The following KLHL3 variants were observed in gnomAD, a reference collection of about 807,000 sequenced individuals.
KLHL3 encodes the protein kelch-like protein 3.
In KLHL3, 19 loss-of-function variants were observed where a neutral mutation model predicts 70.5. The ratio of observed to expected loss-of-function variants is 0.27; its 90% CI spans 0.19 to 0.40. The LOEUF (loss-of-function observed/expected upper bound fraction) is 0.40, where lower values mean the gene tolerates loss of function less well. Ranked by LOEUF, KLHL3 falls within the 10% of genes least tolerant of loss-of-function variation. The pLI, the probability that KLHL3 is intolerant of heterozygous loss-of-function variation, is 1.00. For missense variants in KLHL3, 512 were observed against 771.1 expected, an observed-to-expected ratio of 0.66 and a Z score of 3.98; for synonymous variants, 258 against 290.3, an observed-to-expected ratio of 0.89 and a Z score of 1.13.
Position 137,637,275 on chromosome 5 carries a change from G to A in KLHL3, c.1321+19C>T, listed in dbSNP as rs760344422. 1.2e-6 allele frequency: 2 copies of A among 1,608,346 alleles called. No individual in the cohort carries two copies. The highest frequency in any genetic ancestry group is 2.2e-5 in the East Asian group (1 of 44,836). The stretch of plus-strand genomic sequence containing the variant: ...GTGGGCCAGGTAGGCCTGGCCACTG[G>A]CCACTGCCGCCTCCTTACCCTCCAC... On this transcript the variant is annotated intron_variant, in intron 11 of 14. Coordinates refer to ENST00000309755, the MANE Select transcript of KLHL3 (RefSeq NM_017415.3).
At chr5:137,624,126 G>GT (rs1750391942) in intron 14 of KLHL3, among the ~76,000 whole-genome samples, 2 of 152,120 alleles carry the variant, frequency 1.3e-5, no homozygotes, top group African/African-American at 2.4e-5. Context: ...GTAATTCTCA[G>GT]TTTTTTGCTA....
chr5:137,628,308 CGG>C lies in KLHL3; in HGVS notation c.1578_1579del (p.Cys526TrpfsTer20). On this transcript the variant is annotated frameshift_variant, in exon 13 of 15. Coordinates refer to ENST00000309755, the MANE Select transcript of KLHL3 (RefSeq NM_017415.3). LOFTEE classifies it high-confidence loss of function. ...AGAGCAGTCATTACCTGCGTTGCGCCGGCACATGTTCATGTCTGCCACTTGCT... is the reference window on the plus strand; with the variant it reads ...AGAGCAGTCATTACCTGCGTTGCGCCCACATGTTCATGTCTGCCACTTGCT... The C allele has an allele frequency of 6.2e-7, 1 of 1,614,062 alleles. No homozygotes were observed. Among genetic ancestry groups the C allele is most frequent in the Non-Finnish European group, 8.5e-7 (1 of 1,179,992 alleles).
Position 137,720,517 on chromosome 5 carries a change from C to G in KLHL3, c.82G>C (p.Val28Leu). 4.3e-6 allele frequency: 7 copies of G among 1,614,154 alleles called. No homozygotes were observed. Among genetic ancestry groups the G allele is most frequent in the Non-Finnish European group, 5.9e-6 (7 of 1,180,000 alleles). Residue 28 changes from valine (V) to leucine (L), a missense_variant, in exon 2 of 15, where the codon GTC becomes CTC. Transcript: ENST00000309755. ...GCTTTCCCCATGTGGGCAGGGTTGA[C>G]AGTGATCGTCCTCTGGTTCTTCTCA... Reference protein sequence around the residue: ...DDEKNQRTITVNPAHMGKAFK... With the variant: ...DDEKNQRTITLNPAHMGKAFK...
At chr5:137,659,718 G>C (rs1436588907) in intron 7 of KLHL3, among the ~76,000 whole-genome samples, 1 of 152,152 alleles carries the variant, frequency 6.6e-6, no homozygotes, top group Non-Finnish European at 1.5e-5. Context: ...GGGTACAAGA[G>C]TTTCAACTTT....
chr5:137,711,368 T>C (rs1280025060), intron 2 of KLHL3, among the ~76,000 whole-genome samples: 1 of 152,186 alleles, frequency 6.6e-6, no homozygotes, highest in Non-Finnish European at 1.5e-5. Flanking sequence ...GAAGTCTAAG[T>C]CTTGAATCCA....
intron 3 of KLHL3, among the ~76,000 whole-genome samples, chr5:137,704,496 A>C (rs1263977398): frequency 6.6e-6 from 1 of 152,240 alleles, no homozygotes; most frequent in Non-Finnish European, 1.5e-5. Flanking sequence ...CTTGTGTTTA[A>C]TCCTTAGTAA....
At position 137,638,940 on chromosome 5, in the gene KLHL3, AC is replaced by A. The variant is rs1402275481; in HGVS notation, c.1219+12del. ...CCAGGCTAGGAGGGGTTGGGAACAC[AC>A]CCTAAACCTACCAGTACTGCCATCA... On this transcript the variant is annotated intron_variant, in intron 10 of 14. Coordinates refer to ENST00000309755, the MANE Select transcript of KLHL3 (RefSeq NM_017415.3). 3 of 1,612,348 alleles carry A rather than the reference AC, an allele frequency of 1.9e-6. No homozygotes were observed. The highest frequency in any genetic ancestry group is 2.5e-6 in the Non-Finnish European group (3 of 1,178,708).
At chr5:137,627,593 G>T (rs1750509527) in intron 13 of KLHL3, among the ~76,000 whole-genome samples, 1 of 151,622 alleles carries the variant, frequency 6.6e-6, no homozygotes. Flanking sequence ...TTCCAGCCTG[G>T]GAAGTTGGGC....
intron 5 of KLHL3, among the ~76,000 whole-genome samples, chr5:137,691,313 G>A (rs1752315704): frequency 6.6e-6 from 1 of 152,134 alleles, no homozygotes; most frequent in African/African-American, 2.4e-5. Context: ...TTGTGGAAAT[G>A]GTATTTGGAC....
chr5:137,707,557 T>A lies in KLHL3; in HGVS notation c.241+2193A>T, dbSNP rs1244226083. 2 of 154,420 alleles carry A rather than the reference T, an allele frequency of 1.3e-5. 1 individual carries two copies. The highest frequency in any genetic ancestry group is 1.3e-4 in the Admixed American group (2 of 15,294). The allele number at this position is 154,420 out of a possible 1,614,324, so 9.6% of individuals were successfully genotyped here. Reference sequence around the variant, plus strand: ...ATAAACCATACTCTTACCTAGATGTTGTAGTACACGTAATTTTTTACTTTT... The same window carrying A: ...ATAAACCATACTCTTACCTAGATGTAGTAGTACACGTAATTTTTTACTTTT... On this transcript the variant is annotated intron_variant, in intron 3 of 14. Coordinates refer to ENST00000309755, the MANE Select transcript of KLHL3 (RefSeq NM_017415.3).
chr5:137,633,638 A>G (rs1161119530), intron 12 of KLHL3, among the ~76,000 whole-genome samples: 1 of 152,258 alleles, frequency 6.6e-6, no homozygotes, highest in Middle Eastern at 3.2e-3. Flanking sequence ...AACCAAAAAA[A>G]GAGTGAAATC....
intron 2 of KLHL3, among the ~76,000 whole-genome samples, chr5:137,716,706 T>C (rs926833174): frequency 1.3e-5 from 2 of 152,214 alleles, no homozygotes; most frequent in Non-Finnish European, 2.9e-5. Flanking sequence ...GCAGAGGCCA[T>C]GAAACCCCTT....
chr5:137,677,914 T>C (rs1314184389), intron 5 of KLHL3, among the ~76,000 whole-genome samples: 2 of 152,156 alleles, frequency 1.3e-5, no homozygotes, highest in African/African-American at 2.4e-5. Context: ...GATCTGAGTT[T>C]GTATTTTTTC....
chr5:137,661,648 T>C (rs1295485067), intron 7 of KLHL3: 3 of 328,098 alleles, frequency 9.1e-6, no homozygotes, highest in East Asian at 1.1e-4. Context: ...ATCTGTTCTA[T>C]GGAAGAAAAA....
chr5:137,649,835 T>C (rs1255586192), intron 8 of KLHL3, among the ~76,000 whole-genome samples: 1 of 152,174 alleles, frequency 6.6e-6, no homozygotes, highest in Non-Finnish European at 1.5e-5. Flanking sequence ...TGGGTACTAG[T>C]ATCATGTAGT....
intron 5 of KLHL3, among the ~76,000 whole-genome samples, chr5:137,688,896 G>A (rs1241881905): frequency 2.0e-5 from 3 of 152,190 alleles, no homozygotes; most frequent in Non-Finnish European, 4.4e-5. Flanking sequence ...CCATAATGCA[G>A]ACAGAACTCA....
At chr5:137,657,008 A>C (rs1230011837) in intron 8 of KLHL3, among the ~76,000 whole-genome samples, 2 of 152,234 alleles carry the variant, frequency 1.3e-5, no homozygotes, top group African/African-American at 2.4e-5. Context: ...TCAGCACTCA[A>C]TAAAGGTTAG....
At chr5:137,718,508 T>C (rs1561619211) in intron 2 of KLHL3, among the ~76,000 whole-genome samples, 1 of 152,062 alleles carries the variant, frequency 6.6e-6, no homozygotes, top group Non-Finnish European at 1.5e-5. Context: ...TTTAAAAAAA[T>C]AAACAAACAA....
intron 5 of KLHL3, among the ~76,000 whole-genome samples, chr5:137,678,793 A>C (rs994481683): frequency 2.6e-5 from 4 of 151,840 alleles, no homozygotes; most frequent in Non-Finnish European, 5.9e-5. Context: ...ATATTGAGTT[A>C]TAAACAATAT....
Sources: gnomAD v4.1 joint callset for allele counts (sites outside exome capture counted in the v4.1 genomes callset) on GRCh38, gnomAD v4.1.1 for gene constraint, MANE v1.5 for transcripts, NCBI Gene and HGNC (gene_info 2026-07-23, HGNC 2026-07-21) for gene names.